Variants in ZNF83 observed in about 807,000 individuals in gnomAD.
ZNF83 encodes zinc finger protein 83, also known as zinc finger protein 816B.
For synonymous variants in ZNF83, 209 were observed against 213.0 expected, an observed-to-expected ratio of 0.98 and a Z score of 0.17; for missense variants, 552 against 629.9, an observed-to-expected ratio of 0.88 and a Z score of 1.32.
chr19:52,674,398 T>G (rs2061770748), intron 1 of ZNF83: 1 of 152,202 alleles, frequency 6.6e-6, no homozygotes, highest in South Asian at 2.1e-4. Flanking sequence ...ACCCTTTCTA[T>G]TCAATCAATA....
At chr19:52,683,530 G>GTGCATCACCTGCTGGT (rs1296406561) in intron 1 of ZNF83, among the ~76,000 whole-genome samples, 3 of 83,582 alleles carry the variant, frequency 3.6e-5, no homozygotes, top group African/African-American at 2.2e-4. Flanking sequence ...CCAAAGGGAA[G>GTGCATCACCTGCTGGT]GGCAAAGTCC....
At chr19:52,687,748 C>A (rs2062071708) in intron 1 of ZNF83, among the ~76,000 whole-genome samples, 1 of 144,870 alleles carries the variant, frequency 6.9e-6, no homozygotes, top group Non-Finnish European at 1.5e-5. Flanking sequence ...TCACTTGACC[C>A]CAGGGGGCCA....
At chr19:52,684,128 G>T (rs775194886) in intron 1 of ZNF83, among the ~76,000 whole-genome samples, 1 of 152,076 alleles carries the variant, frequency 6.6e-6, no homozygotes, top group Non-Finnish European at 1.5e-5. Context: ...TAGCACTCTG[G>T]GAGGCCGAGG....
At chr19:52,653,798 T>G (rs1423963497) in intron 3 of ZNF83, among the ~76,000 whole-genome samples, 5 of 152,222 alleles carry the variant, frequency 3.3e-5, no homozygotes, top group African/African-American at 9.6e-5. Context: ...TGAAACACTT[T>G]GCCACATACA....
In ZNF83 at chr19:52,614,356, G is replaced by A. The variant is rs3786490; in HGVS notation, c.209C>T (p.Thr70Ile). 1.2e-3 allele frequency: 1,864 copies of A among 1,612,952 alleles called. 44 individuals are homozygous for A. The East Asian group carries it at 0.037, about 32-fold the overall frequency. Residue 70 changes from threonine to isoleucine, a missense_variant, in exon 3 of 3, where the codon ACA becomes ATA. By Grantham distance (89) the Thr-to-Ile change is moderately conservative. Coordinates refer to ENST00000301096, the Ensembl canonical transcript of ZNF83. ...TGAATCCACAAAATTACATTCATAT[G>A]TATGAGAAATGTGGGTTTTGACAGT...
upstream of ZNF83, among the ~76,000 whole-genome samples, chr19:52,641,437 T>G (rs559336490): frequency 1.3e-5 from 2 of 152,344 alleles, no homozygotes; most frequent in South Asian, 4.1e-4. Flanking sequence ...GGTTTTTATT[T>G]TAATCAAATA....
Position 52,688,423 on chromosome 19 carries a change from C to T in ZNF83, c.-283+2020G>A, listed in dbSNP as rs557219519. On this transcript the variant is annotated intron_variant, in intron 1 of 5. Coordinates refer to the ZNF83 transcript ENST00000594682. ...TCCTGGACTCAAGCAATCCCCCTGC[C>T]TCAGTCTTCTAAAGTTCTGGGATTA... Among the ~76,000 whole-genome samples the T allele has an allele frequency of 2.0e-5, 3 of 152,090 alleles. No individual in the cohort carries two copies. The South Asian group carries it at 6.2e-4, about 32-fold the overall frequency.
rs894199030 is a variant in ZNF83, at chr19:52,638,299, G to A, written c.-322+13C>T. 4.1e-5 allele frequency: 6 copies of A among 144,898 alleles called. No individual in the cohort carries two copies. Among genetic ancestry groups the A allele is most frequent in the African/African-American group, 1.0e-4 (4 of 39,042 alleles). The allele number at this position is 144,898 out of a possible 1,614,324, so 9.0% of individuals were successfully genotyped here. A position where few individuals can be genotyped will look rare whatever the true frequency, so the allele number is the denominator to read the frequency against. ...CCTGGTAAGCGCAGACTTAATAGAA[G>A]AGCGAAACTCACCGCCACGGTGTAA... On this transcript the variant is annotated intron_variant, in intron 1 of 2. Transcript: ENST00000301096.
At chr19:52,686,314 T>A (rs2869089) in intron 1 of ZNF83, among the ~76,000 whole-genome samples, 105,606 of 151,486 alleles carry the variant, frequency 0.7, 38,260 homozygotes, top group African/African-American at 0.91. Context: ...CAACGGGAAC[T>A]TAACTGGAAC....
intron 2 of ZNF83, among the ~76,000 whole-genome samples, chr19:52,626,613 A>T (rs969022432): frequency 6.6e-6 from 1 of 152,044 alleles, no homozygotes; most frequent in Non-Finnish European, 1.5e-5. Flanking sequence ...TTCATACAAA[A>T]CCACATTCAG....
chr19:52,652,662 G>A lies in ZNF83; in HGVS notation c.-74+2899C>T, dbSNP rs1600230901. 3 of 550,066 alleles carry A rather than the reference G, an allele frequency of 5.5e-6. No homozygotes were observed. The East Asian group carries it at 1.4e-4, about 26-fold the overall frequency. 34.1% of individuals were successfully genotyped at this position (550,066 alleles called of 1,614,324 possible). A position where few individuals can be genotyped will look rare whatever the true frequency, so the allele number is the denominator to read the frequency against. On this transcript the variant is annotated intron_variant, in intron 3 of 5. Coordinates refer to the ZNF83 transcript ENST00000594682. ...ACTTGTAAGATCTCTCTTCATTATGGATTCTCTAATGATTTGCAATGCTTG... is the reference window on the plus strand; with the variant it reads ...ACTTGTAAGATCTCTCTTCATTATGAATTCTCTAATGATTTGCAATGCTTG...
chr19:52,668,234 T>C (rs2061680358), intron 1 of ZNF83, among the ~76,000 whole-genome samples: 1 of 152,122 alleles, frequency 6.6e-6, no homozygotes. Flanking sequence ...GGACCCTATC[T>C]TGTGCTGCTA....
chr19:52,666,350 A>G (rs1452390920), intron 1 of ZNF83, among the ~76,000 whole-genome samples: 1 of 151,988 alleles, frequency 6.6e-6, no homozygotes, highest in Non-Finnish European at 1.5e-5. Flanking sequence ...TAAAACCTAT[A>G]ATTGATAATT....
chr19:52,652,975 C>G, intron 3 of ZNF83: 2 of 1,301,636 alleles, frequency 1.5e-6, no homozygotes, highest in Non-Finnish European at 2.2e-6. Flanking sequence ...CTCATTACAC[C>G]TGTAAGGTTT....
intron 1 of ZNF83, among the ~76,000 whole-genome samples, chr19:52,685,891 C>G (rs1427119058): frequency 9.6e-6 from 1 of 103,772 alleles, no homozygotes; most frequent in African/African-American, 4.0e-5. Context: ...AAGAGTGTAA[C>G]TGTCACAAAA....
chr19:52,621,204 C>G (rs1295388409), intron 2 of ZNF83, among the ~76,000 whole-genome samples: 1 of 152,206 alleles, frequency 6.6e-6, no homozygotes, highest in Non-Finnish European at 1.5e-5. Flanking sequence ...CTCAGGTCCT[C>G]AGACCAACCA....
At chr19:52,639,455 T>A (rs1360704790), upstream of ZNF83, among the ~76,000 whole-genome samples, 1 of 142,756 alleles carries the variant, frequency 7.0e-6, no homozygotes, top group Non-Finnish European at 1.5e-5. Flanking sequence ...GTTTTCTTTT[T>A]TGGCCAGGCT....
chr19:52,661,756 C>T (rs1396852152), intron 1 of ZNF83, among the ~76,000 whole-genome samples: 1 of 152,152 alleles, frequency 6.6e-6, no homozygotes, highest in African/African-American at 2.4e-5. Context: ...AAAAGAATCA[C>T]ACAGAACAGG....
chr19:52,681,682 G>A (rs1156368100), intron 1 of ZNF83, among the ~76,000 whole-genome samples: 2 of 152,098 alleles, frequency 1.3e-5, no homozygotes, highest in Non-Finnish European at 2.9e-5. Context: ...CTGGGATTCA[G>A]ATTTGAATAT....
Sources: allele counts gnomAD v4.1 joint callset (sites outside exome capture counted in the v4.1 genomes callset), GRCh38; gene constraint gnomAD v4.1.1; transcripts MANE v1.5; gene names NCBI Gene and HGNC (gene_info 2026-07-23, HGNC 2026-07-21).